The following EYS variants were observed in gnomAD, a reference collection of about 807,000 sequenced individuals.
EYS encodes EGF-like photoreceptor maintenance factor.
Under a neutral mutation model 282.1 loss-of-function variants are expected in EYS, and 250 were observed. That is an observed-to-expected ratio of 0.89 (90% CI 0.80 to 0.98). EYS has a LOEUF of 0.98. Among genes scored for constraint, EYS ranks in the 50% least tolerant of loss-of-function variants. The pLI is 0.00. For synonymous variants in EYS, 1,355 were observed against 1,282.9 expected (o/e 1.06, Z -1.20); for missense variants, 4,016 against 3,709.0 (o/e 1.08, Z -2.15).
At chr6:64,781,066 T>C (rs1417063391) in intron 22 of EYS, among the ~76,000 whole-genome samples, 2 of 152,068 alleles carry the variant, frequency 1.3e-5, no homozygotes, top group South Asian at 4.2e-4. Flanking sequence ...AGACTCAAGG[T>C]ATTAGAATCC....
Position 64,000,170 on chromosome 6 carries a change from T to TCCAG in EYS, c.6726-988_6726-987insCTGG. The stretch of plus-strand genomic sequence containing the variant: ...GAGGAGTTTCCCAAGACATGGGACT[T>TCCAG]TTTTTTTTTTTTTTTTTTTTTTTTT... On this transcript the variant is annotated intron_variant, in intron 33 of 42. Transcript: ENST00000503581. Among the ~76,000 whole-genome samples, 2 of 24,624 alleles carry TCCAG rather than the reference T, an allele frequency of 8.1e-5. 1 individual carries two copies. The highest frequency in any genetic ancestry group is 1.4e-4 in the Non-Finnish European group (2 of 13,794). 16.2% of individuals were successfully genotyped at this position (24,624 alleles called of 152,430 possible).
intron 13 of EYS, among the ~76,000 whole-genome samples, chr6:65,017,469 T>C (rs1210441834): frequency 6.6e-6 from 1 of 152,200 alleles, no homozygotes; most frequent in African/African-American, 2.4e-5. Context: ...CCTCATTAAA[T>C]AGCAAATGAA....
chr6:63,896,876 C>T (rs763568446), intron 35 of EYS, among the ~76,000 whole-genome samples: 8 of 152,114 alleles, frequency 5.3e-5, no homozygotes, highest in Non-Finnish European at 1.0e-4. Flanking sequence ...ATTTTTTTCA[C>T]GTCTCAATAG....
At chr6:65,565,470 A>T (rs1420748480) in intron 2 of EYS, among the ~76,000 whole-genome samples, 1 of 152,116 alleles carries the variant, frequency 6.6e-6, no homozygotes, top group African/African-American at 2.4e-5. Flanking sequence ...GAGGATATGG[A>T]GGAATAGGAA....
intron 12 of EYS, among the ~76,000 whole-genome samples, chr6:65,177,353 A>G (rs1218414205): frequency 1.3e-5 from 2 of 151,810 alleles, no homozygotes; most frequent in African/African-American, 4.8e-5. Flanking sequence ...CATGGCATAT[A>G]CCCTCCGAAA....
rs148415917 is a variant in EYS, at chr6:65,345,216, T to C, written c.1460-1039A>G. 5.9e-4 allele frequency among the ~76,000 whole-genome samples: 90 copies of C among 151,948 alleles called. No homozygotes were observed. The East Asian group carries it at 7.2e-3, about 12-fold the overall frequency. On this transcript the variant is annotated intron_variant, in intron 9 of 42. Coordinates refer to ENST00000503581, the MANE Select transcript of EYS (RefSeq NM_001142800.2). ...ATCATATGTATGTAATTTGACTGTTTATAAATTTAAGATTACAGAAAATTA... is the reference window on the plus strand; with the variant it reads ...ATCATATGTATGTAATTTGACTGTTCATAAATTTAAGATTACAGAAAATTA...
intron 14 of EYS, among the ~76,000 whole-genome samples, chr6:64,983,586 T>C (rs1387332398): frequency 1.3e-5 from 2 of 151,328 alleles, no homozygotes; most frequent in Non-Finnish European, 3.0e-5. Context: ...TAAAGATATT[T>C]GGATACTATT....
intron 26 of EYS, among the ~76,000 whole-genome samples, chr6:64,457,293 C>G (rs967071577): frequency 1.1e-4 from 17 of 152,064 alleles, no homozygotes; most frequent in African/African-American, 3.4e-4. Context: ...TATGATCTAT[C>G]CTAGAGAATG....
chr6:64,770,607 G>A (rs1194619382), intron 22 of EYS, among the ~76,000 whole-genome samples: 3 of 151,760 alleles, frequency 2.0e-5, no homozygotes, highest in Admixed American at 6.6e-5. Flanking sequence ...AAACTCAATC[G>A]TCGAAACTAG....
chr6:65,402,106 T>C (rs1396870430), intron 7 of EYS, among the ~76,000 whole-genome samples: 5 of 151,772 alleles, frequency 3.3e-5, no homozygotes, highest in Non-Finnish European at 7.4e-5. Flanking sequence ...TATTCTATTA[T>C]TTTAAAATAT....
At position 64,945,834 on chromosome 6, in the gene EYS, G is replaced by T; in HGVS notation, c.2340C>A (p.Cys780Ter). 3 of 1,549,912 alleles carry T rather than the reference G, an allele frequency of 1.9e-6. No individual in the cohort carries two copies. Among genetic ancestry groups the T allele is most frequent in the Non-Finnish European group, 1.7e-6 (2 of 1,145,854 alleles). The change falls in exon 15 of 43, where the codon TGC (cysteine) becomes TGA (stop). Residue 780 changes from cysteine to a stop codon, truncating the protein, a stop_gained. Coordinates refer to ENST00000503581, the MANE Select transcript of EYS (RefSeq NM_001142800.2). LOFTEE classifies it high-confidence loss of function. ...GGTCAGTACAGGTGGAATTGTTCTT[G>T]CAAGGATTCATTTTACACTCATTGG... ...QESNECKMNP[C>*]KNNSTCTDLY... is the part of the protein sequence containing the mutation.
At chr6:64,924,812 G>T (rs533181821) in intron 15 of EYS, among the ~76,000 whole-genome samples, 56 of 152,212 alleles carry the variant, frequency 3.7e-4, no homozygotes, top group Admixed American at 1.6e-3. Context: ...TGAGACCACT[G>T]CAGCCTGGAC....
At chr6:64,564,559 G>A (rs926697983) in intron 26 of EYS, among the ~76,000 whole-genome samples, 3 of 151,994 alleles carry the variant, frequency 2.0e-5, no homozygotes, top group Non-Finnish European at 4.4e-5. Context: ...GGGATTACAG[G>A]CGTGAGCCAC....
chr6:64,044,529 G>A (rs1460525876), intron 33 of EYS, among the ~76,000 whole-genome samples: 1 of 152,184 alleles, frequency 6.6e-6, no homozygotes, highest in Non-Finnish European at 1.5e-5. Flanking sequence ...ATACCCTGGT[G>A]TTCAACTCAG....
intron 35 of EYS, among the ~76,000 whole-genome samples, chr6:63,924,685 G>A (rs902641118): frequency 6.6e-6 from 1 of 152,078 alleles, no homozygotes; most frequent in African/African-American, 2.4e-5. Flanking sequence ...AAAATATGAA[G>A]CCAAGGCCAG....
chr6:63,917,047 C>T (rs1764440498), intron 35 of EYS, among the ~76,000 whole-genome samples: 1 of 152,204 alleles, frequency 6.6e-6, no homozygotes, highest in Non-Finnish European at 1.5e-5. Flanking sequence ...GTTATGTGTA[C>T]TGTTCATGAC....
intron 29 of EYS, among the ~76,000 whole-genome samples, chr6:64,364,579 T>G (rs778634831): frequency 5.3e-5 from 8 of 151,952 alleles, no homozygotes; most frequent in Non-Finnish European, 8.8e-5. Context: ...TGCAGTAACA[T>G]GTTTTAAAGG....
chr6:63,928,722 A>G (rs934472649), intron 35 of EYS, among the ~76,000 whole-genome samples: 2 of 152,168 alleles, frequency 1.3e-5, no homozygotes, highest in Non-Finnish European at 2.9e-5. Context: ...TCAAGTTTCA[A>G]TTCAAATCCC....
intron 35 of EYS, among the ~76,000 whole-genome samples, chr6:63,979,934 C>T (rs1222227561): frequency 6.6e-6 from 1 of 151,856 alleles, no homozygotes; most frequent in East Asian, 1.9e-4. Flanking sequence ...GTGTTACTTT[C>T]CTTAATACTT....
Sources: gnomAD v4.1 joint callset for allele counts (sites outside exome capture counted in the v4.1 genomes callset) on GRCh38, gnomAD v4.1.1 for gene constraint, MANE v1.5 for transcripts, NCBI Gene and HGNC (gene_info 2026-07-23, HGNC 2026-07-21) for gene names.